The following IGFBP7 variants were observed in gnomAD, a reference collection of about 807,000 sequenced individuals.
IGFBP7 encodes the protein insulin-like growth factor-binding protein 7.
IGFBP7 carries 31 observed loss-of-function variants against 29.4 expected under a neutral mutation model. The observed-to-expected ratio is 1.05, with a 90% CI of 0.79 to 1.42. The LOEUF is 1.42. Ranked by LOEUF, IGFBP7 falls within the 40% of genes most tolerant of loss-of-function variation. The pLI is 0.00. For missense variants in IGFBP7, 393 were observed against 395.5 expected (o/e 0.99, Z 0.05); for synonymous variants, 172 against 174.9 (o/e 0.98, Z 0.13).
Position 57,032,434 on chromosome 4 carries a change from A to C in IGFBP7, c.821T>G (p.Val274Gly). Residue 274 changes from valine (V) to glycine (G), a missense_variant, in exon 4 of 5, where the codon GTG becomes GGG. By Grantham distance (109) the Val-to-Gly change is moderately radical (BLOSUM62 -3). Transcript: ENST00000295666. ...TVVDALHEIP[V>G]KKGEGAEL The stretch of plus-strand genomic sequence containing the variant: ...TGAGATTTATTGTGTACCTTTTTTC[A>C]CTGGTATTTCATGTAAGGCATCAAC... 1.2e-6 allele frequency: 2 copies of C among 1,612,538 alleles called. No individual in the cohort carries two copies. Among genetic ancestry groups the C allele is most frequent in the South Asian group, 1.1e-5 (1 of 90,830 alleles).
chr4:57,050,989 C>T (rs185452531), intron 1 of IGFBP7, among the ~76,000 whole-genome samples: 1 of 152,112 alleles, frequency 6.6e-6, no homozygotes, highest in Non-Finnish European at 1.5e-5. Context: ...GCATTAATAC[C>T]AAATAAGGGG....
chr4:57,067,385 G>T (rs1464193567), intron 1 of IGFBP7, among the ~76,000 whole-genome samples: 1 of 152,100 alleles, frequency 6.6e-6, no homozygotes, highest in Non-Finnish European at 1.5e-5. Context: ...AGATTAACTT[G>T]TCATATGCCA....
intron 1 of IGFBP7, among the ~76,000 whole-genome samples, chr4:57,046,664 T>C (rs1053073883): frequency 1.3e-5 from 2 of 152,160 alleles, no homozygotes; most frequent in South Asian, 4.1e-4. Flanking sequence ...CCTTGTTCCA[T>C]TAAGAGCTCC....
At position 57,109,964 on chromosome 4, in the gene IGFBP7, C is replaced by T. The variant is rs570796865; in HGVS notation, c.388G>A (p.Gly130Ser). 1.3e-6 allele frequency: 2 copies of T among 1,549,330 alleles called. No homozygotes were observed. Among genetic ancestry groups the T allele is most frequent in the South Asian group, 1.2e-5 (1 of 84,978 alleles). The change falls in exon 1 of 5, where the codon GGC (glycine) becomes AGC (serine). Residue 130 changes from glycine (G) to serine (S), a missense_variant. Gly to Ser is a moderately conservative substitution (Grantham distance 56). Transcript: ENST00000295666. ...TGGCTGGCGGCGCGCAGCTGGCAGC[C>T]GCTCGGGTAGGTGGTGCCGTCGCTG... Reference protein sequence around the residue: ...CGSDGTTYPSGCQLRAASQRA... With the variant: ...CGSDGTTYPSSCQLRAASQRA...
chr4:57,056,533 A>G (rs1713960), intron 1 of IGFBP7, among the ~76,000 whole-genome samples: 96,100 of 152,164 alleles, frequency 0.63, 30,759 homozygotes, highest in East Asian at 0.9. Context: ...GTGAGGCTCA[A>G]AAGTGCCAAA....
At chr4:57,060,960 T>C (rs1360795281) in intron 1 of IGFBP7, among the ~76,000 whole-genome samples, 1 of 152,000 alleles carries the variant, frequency 6.6e-6, no homozygotes, top group Non-Finnish European at 1.5e-5. Flanking sequence ...GGCAGGAGGA[T>C]TGCTTAAACC....
chr4:57,097,655 T>C lies in IGFBP7; in HGVS notation c.475+12222A>G, dbSNP rs1036781938. ...CAATGTTTTTCATGTATTGCCTCAC[T>C]TAACTTCACAAAACTCTAAGTATAA... On this transcript the variant is annotated intron_variant, in intron 1 of 4. Coordinates refer to ENST00000295666, the MANE Select transcript of IGFBP7 (RefSeq NM_001553.3). Among the ~76,000 whole-genome samples the C allele has an allele frequency of 4.0e-4, 19 of 47,570 alleles. 1 individual carries two copies. Among genetic ancestry groups the C allele is most frequent in the Non-Finnish European group, 8.0e-5 (1 of 12,556 alleles). 31.2% of individuals were successfully genotyped at this position (47,570 alleles called of 152,430 possible). A position where few individuals can be genotyped will look rare whatever the true frequency, so the allele number is the denominator to read the frequency against.
At chr4:57,085,814 A>G (rs1725484938) in intron 1 of IGFBP7, among the ~76,000 whole-genome samples, 1 of 152,164 alleles carries the variant, frequency 6.6e-6, no homozygotes, top group African/African-American at 2.4e-5. Context: ...TGTTGTTTTC[A>G]TTTAGTGTTA....
At chr4:57,055,935 C>T (rs1724659377) in intron 1 of IGFBP7, among the ~76,000 whole-genome samples, 1 of 152,082 alleles carries the variant, frequency 6.6e-6, no homozygotes, top group Non-Finnish European at 1.5e-5. Context: ...TTCAGACTTC[C>T]ATGGAGCAGA....
intron 1 of IGFBP7, among the ~76,000 whole-genome samples, chr4:57,102,745 C>T (rs980560426): frequency 6.6e-6 from 1 of 152,174 alleles, no homozygotes; most frequent in African/African-American, 2.4e-5. Context: ...TCCTAAAATG[C>T]AGTGATTGAA....
intron 1 of IGFBP7, among the ~76,000 whole-genome samples, chr4:57,067,589 G>T (rs1718854): frequency 6.6e-6 from 1 of 151,956 alleles, no homozygotes; most frequent in African/African-American, 2.4e-5. Flanking sequence ...TAAAATTCTA[G>T]AGACCTGCTG....
At position 57,031,344 on chromosome 4, in the gene IGFBP7, A is replaced by T; in HGVS notation, c.830-8T>A. 3 of 1,427,836 alleles carry T rather than the reference A, an allele frequency of 2.1e-6. No homozygotes were observed. Among genetic ancestry groups the T allele is most frequent in the South Asian group, 1.2e-5 (1 of 80,280 alleles). 88.4% of individuals were successfully genotyped at this position (1,427,836 alleles called of 1,614,324 possible). A position where few individuals can be genotyped will look rare whatever the true frequency, so the allele number is the denominator to read the frequency against. ...ATAGCTCGGCACCTTCACCTGTTTA[A>T]AAAAAAAAAAAGATAAAAATTAGTT... On this transcript the variant is annotated splice_polypyrimidine_tract_variant and splice_region_variant and intron_variant, in intron 4 of 4. Coordinates refer to ENST00000295666, the MANE Select transcript of IGFBP7 (RefSeq NM_001553.3).
intron 1 of IGFBP7, among the ~76,000 whole-genome samples, chr4:57,057,608 C>G (rs7654665): frequency 1.3e-5 from 2 of 152,134 alleles, no homozygotes; most frequent in Non-Finnish European, 2.9e-5. Flanking sequence ...TCAGTACTCC[C>G]GAAATTGGCC....
intron 1 of IGFBP7, among the ~76,000 whole-genome samples, chr4:57,057,544 C>A (rs577725590): frequency 1.3e-5 from 2 of 152,280 alleles, no homozygotes; most frequent in East Asian, 3.9e-4. Flanking sequence ...TTCAGAGCAA[C>A]CATACATAAA....
intron 1 of IGFBP7, among the ~76,000 whole-genome samples, chr4:57,050,314 G>A (rs1724472242): frequency 6.7e-6 from 1 of 149,318 alleles, no homozygotes; most frequent in African/African-American, 2.5e-5. Context: ...GTGCAATCTC[G>A]GCTCACTGCA....
chr4:57,060,877 C>T (rs933218619), intron 1 of IGFBP7, among the ~76,000 whole-genome samples: 2 of 152,098 alleles, frequency 1.3e-5, no homozygotes, highest in African/African-American at 4.8e-5. Flanking sequence ...TATGATTGCG[C>T]CACTGCTCTC....
At chr4:57,086,186 A>G (rs1241790107) in intron 1 of IGFBP7, among the ~76,000 whole-genome samples, 1 of 152,206 alleles carries the variant, frequency 6.6e-6, no homozygotes, top group Non-Finnish European at 1.5e-5. Flanking sequence ...TTATAAAACC[A>G]TCAGATCTCG....
chr4:57,076,319 A>C lies in IGFBP7; in HGVS notation c.475+33558T>G, dbSNP rs578190817. 2.6e-5 allele frequency among the ~76,000 whole-genome samples: 4 copies of C among 152,290 alleles called. No homozygotes were observed. The East Asian group carries it at 7.7e-4, about 29-fold the overall frequency. On this transcript the variant is annotated intron_variant, in intron 1 of 4. Coordinates refer to ENST00000295666, the MANE Select transcript of IGFBP7 (RefSeq NM_001553.3). ...TATTCAGACCATAGCTGATCTCTTTACTAGAACCAACGTACCAAGGAATTC... is the reference window on the plus strand; with the variant it reads ...TATTCAGACCATAGCTGATCTCTTTCCTAGAACCAACGTACCAAGGAATTC...
At chr4:57,078,749 C>T (rs909809018) in intron 1 of IGFBP7, among the ~76,000 whole-genome samples, 1 of 151,834 alleles carries the variant, frequency 6.6e-6, no homozygotes, top group South Asian at 2.1e-4. Context: ...CAGACGGGGT[C>T]CACAGAGAAC....
Sources: gnomAD v4.1 joint callset for allele counts (sites outside exome capture counted in the v4.1 genomes callset) on GRCh38, gnomAD v4.1.1 for gene constraint, MANE v1.5 for transcripts, NCBI Gene and HGNC (gene_info 2026-07-23, HGNC 2026-07-21) for gene names.